TRAPPC8: variants seen among roughly 807,000 people sequenced by gnomAD.
TRAPPC8 encodes trafficking protein particle complex subunit 8.
In TRAPPC8, 54 loss-of-function variants were observed where a neutral mutation model predicts 174.3. The observed-to-expected ratio is 0.31, with a 90% confidence interval of 0.25 to 0.39. TRAPPC8 has a LOEUF of 0.39. Ranked by LOEUF, TRAPPC8 falls within the 10% of genes least tolerant of loss-of-function variation. TRAPPC8 has a pLI of 1.00. For missense variants in TRAPPC8, 1,531 were observed against 1,699.1 expected (o/e 0.90, Z 1.74); for synonymous variants, 630 against 579.9 (o/e 1.09, Z -1.24).
chr18:31,846,658 A>G, intron 26 of TRAPPC8, 58 bp downstream of exon 26: 2 of 1,371,620 alleles, frequency 1.5e-6, no homozygotes, highest in South Asian at 2.7e-5. Context: ...CAACCAAACA[A>G]CAACAAAAAA....
At chr18:31,886,518 G>A (rs1598672991) in intron 12 of TRAPPC8, among the ~76,000 whole-genome samples, 1 of 152,150 alleles carries the variant, frequency 6.6e-6, no homozygotes, top group Non-Finnish European at 1.5e-5. Flanking sequence ...AAATTTAAAT[G>A]AGGTAAAAAG....
At chr18:31,882,241 GGTACATACACA>G (rs1463140859) in intron 12 of TRAPPC8, among the ~76,000 whole-genome samples, 1 of 152,024 alleles carries the variant, frequency 6.6e-6, no homozygotes, top group Non-Finnish European at 1.5e-5. Flanking sequence ...AAGAAAATGT[GGTACATACACA>G]CCATGGAATA....
rs186541896 is a variant in TRAPPC8, at chr18:31,940,952, C to T, written c.157+1656G>A. Among the ~76,000 whole-genome samples, 118 of 108,898 alleles carry T rather than the reference C, an allele frequency of 1.1e-3. 2 individuals are homozygous for T. The highest frequency in any genetic ancestry group is 3.0e-3 in the Admixed American group (36 of 11,908). The allele number at this position is 108,898 out of a possible 152,430, so 71.4% of individuals were successfully genotyped here. A position where few individuals can be genotyped will look rare whatever the true frequency, so the allele number is the denominator to read the frequency against. On this transcript the variant is annotated intron_variant, in intron 1 of 28. Coordinates refer to ENST00000283351, the MANE Select transcript of TRAPPC8 (RefSeq NM_014939.5). ...CTGCCTGTTTCAAATCTTTCCCAGA[C>T]GCAAAACTGTGAACAAATTAACACT...
chr18:31,861,940 G>T (rs1221817873), intron 19 of TRAPPC8, among the ~76,000 whole-genome samples: 6 of 137,098 alleles, frequency 4.4e-5, no homozygotes, highest in South Asian at 2.6e-4. Flanking sequence ...AAAAAAAGGG[G>T]GGGGGGGGCG....
chr18:31,883,096 G>A (rs572108704), intron 12 of TRAPPC8, among the ~76,000 whole-genome samples: 2 of 151,060 alleles, frequency 1.3e-5, no homozygotes, highest in East Asian at 2.0e-4. Flanking sequence ...GGTAGCGTGC[G>A]CCTGTAATCT....
At chr18:31,902,036 C>T (rs1282258454) in intron 9 of TRAPPC8, among the ~76,000 whole-genome samples, 12 of 152,134 alleles carry the variant, frequency 7.9e-5, no homozygotes, top group Non-Finnish European at 1.3e-4. Context: ...CTGAACTGGC[C>T]GGGTGTGGTG....
intron 18 of TRAPPC8, among the ~76,000 whole-genome samples, chr18:31,865,693 T>C (rs1325863032): frequency 6.6e-6 from 1 of 151,808 alleles, no homozygotes; most frequent in Non-Finnish European, 1.5e-5. Flanking sequence ...ATTTGTGTAC[T>C]AGATTAAGAT....
chr18:31,858,672 A>T (rs557963787), intron 19 of TRAPPC8, among the ~76,000 whole-genome samples: 3 of 152,364 alleles, frequency 2.0e-5, no homozygotes, highest in South Asian at 4.1e-4. Context: ...AAAAATTTTT[A>T]AATTGATTTC....
chr18:31,849,115 C>T (rs1414364171), intron 25 of TRAPPC8, among the ~76,000 whole-genome samples: 1 of 151,942 alleles, frequency 6.6e-6, no homozygotes. Flanking sequence ...AAAGCATTTA[C>T]AGATGAAATA....
chr18:31,934,061 G>A (rs988493765), intron 1 of TRAPPC8, among the ~76,000 whole-genome samples: 24 of 151,864 alleles, frequency 1.6e-4, no homozygotes, highest in Admixed American at 5.9e-4. Context: ...GGTGGCAAGC[G>A]CCTGTATTCC....
intron 10 of TRAPPC8, among the ~76,000 whole-genome samples, chr18:31,900,017 C>T (rs954982433): frequency 1.3e-5 from 2 of 151,604 alleles, no homozygotes; most frequent in Non-Finnish European, 2.9e-5. Context: ...GTGGGTGGAT[C>T]TCTTGAGGTC....
rs569561632 is a variant in TRAPPC8 at position 31,916,804 on chromosome 18, G to A, written c.443-358C>T. On this transcript the variant is annotated intron_variant, in intron 3 of 28. Coordinates refer to ENST00000283351, the MANE Select transcript of TRAPPC8 (RefSeq NM_014939.5). ...CCGCCTCAGCCTCCCAAAGTGCTAG[G>A]ATTATAGGCATGAGCCACCGTGCCC... 2.1e-3 allele frequency among the ~76,000 whole-genome samples: 296 copies of A among 137,684 alleles called. 1 individual carries two copies. The highest frequency in any genetic ancestry group is 7.1e-3 in the African/African-American group (259 of 36,716). The allele number at this position is 137,684 out of a possible 152,430, so 90.3% of individuals were successfully genotyped here.
intron 24 of TRAPPC8, among the ~76,000 whole-genome samples, chr18:31,850,300 G>A (rs1041187972): frequency 4.6e-5 from 7 of 152,074 alleles, no homozygotes; most frequent in Admixed American, 6.6e-5. Flanking sequence ...ATTAAACTAC[G>A]CTCCCATAAC....
chr18:31,860,089 T>C (rs2034250002), intron 19 of TRAPPC8, among the ~76,000 whole-genome samples: 1 of 152,096 alleles, frequency 6.6e-6, no homozygotes, highest in Non-Finnish European at 1.5e-5. Context: ...TTTAAATAGT[T>C]GATATTTGTG....
At chr18:31,891,119 T>A in intron 11 of TRAPPC8, 1 of 216,476 alleles carries the variant, frequency 4.6e-6, no homozygotes, top group Non-Finnish European at 9.1e-6. Context: ...GGTTATGATA[T>A]GTGCCATGTA....
At chr18:31,865,954 T>C (rs2034566692) in intron 18 of TRAPPC8, among the ~76,000 whole-genome samples, 3 of 151,952 alleles carry the variant, frequency 2.0e-5, no homozygotes, top group South Asian at 2.1e-4. Flanking sequence ...TTAGTTTCTA[T>C]GGATTCATTT....
rs532242704 is a variant in TRAPPC8 at position 31,912,855 on chromosome 18, C to T, written c.771+514G>A. Among the ~76,000 whole-genome samples, 9 of 152,194 alleles carry T rather than the reference C, an allele frequency of 5.9e-5. No individual in the cohort carries two copies. In the East Asian group the frequency reaches 9.7e-4, roughly 16 times the overall value. ...TTTAAGAAAGAGATCAGTCCAGGCGCGGTGGCTCACACCTGTAACCCTAAC... is the reference window on the plus strand; with the variant it reads ...TTTAAGAAAGAGATCAGTCCAGGCGTGGTGGCTCACACCTGTAACCCTAAC... On this transcript the variant is annotated intron_variant, in intron 5 of 28. Transcript: ENST00000283351.
intron 24 of TRAPPC8, among the ~76,000 whole-genome samples, 189 bp from the exon 25 acceptor site, chr18:31,849,928 C>A (rs114863384): frequency 6.6e-6 from 1 of 151,662 alleles, no homozygotes; most frequent in Non-Finnish European, 1.5e-5. Context: ...CTTGAACATT[C>A]AAAAGATTTG....
chr18:31,908,696 C>A, intron 7 of TRAPPC8, 58 bp downstream of exon 7: 1 of 1,424,076 alleles, frequency 7.0e-7, no homozygotes, highest in South Asian at 1.6e-5. Flanking sequence ...TTTAATAATT[C>A]TTAAATTTAC....
Sources: allele counts gnomAD v4.1 joint callset (sites outside exome capture counted in the v4.1 genomes callset), GRCh38; gene constraint gnomAD v4.1.1; transcripts MANE v1.5; gene names NCBI Gene and HGNC (gene_info 2026-07-23, HGNC 2026-07-21).